Variants in APOOL observed in about 807,000 individuals in gnomAD.
APOOL encodes the protein MICOS complex subunit MIC27.
APOOL carries 12 observed loss-of-function variants against 23.1 expected under a neutral mutation model. The ratio of observed to expected loss-of-function variants is 0.52; its 90% CI spans 0.33 to 0.84. The LOEUF (loss-of-function observed/expected upper bound fraction) is 0.84, where lower values mean the gene tolerates loss of function less well. Among genes scored for constraint, APOOL ranks in the 40% least tolerant of loss-of-function variants. APOOL has a pLI of 0.02. For synonymous variants in APOOL, 77 were observed against 69.9 expected (o/e 1.10, Z -0.51); for missense variants, 212 against 199.6 (o/e 1.06, Z -0.37).
At position 85,051,278 on chromosome X, in the gene APOOL, T is replaced by A. The variant is rs1204845877; in HGVS notation, c.121-111T>A. On this transcript the variant is annotated intron_variant, in intron 2 of 8. Coordinates refer to ENST00000373173, the MANE Select transcript of APOOL (RefSeq NM_198450.6). The stretch of plus-strand genomic sequence containing the variant: ...GTTTTTTAAAAGTATTTTATCAGCA[T>A]TTTTAGTTGTTTTTAGAAAGAAGGC... 3.6e-6 allele frequency: 3 copies of A among 835,194 alleles called. No individual in the cohort carries two copies. In the African/African-American group the frequency reaches 6.2e-5, roughly 17 times the overall value. 68.8% of individuals were successfully genotyped at this position (835,194 alleles called of 1,213,427 possible).
Position 85,039,961 on chromosome X carries a change from T to C in APOOL, c.16-6485T>C, listed in dbSNP as rs181235175. On this transcript the variant is annotated intron_variant, in intron 1 of 8. Coordinates refer to ENST00000373173, the MANE Select transcript of APOOL (RefSeq NM_198450.6). Reference sequence around the variant, plus strand: ...TCATCATGTTGTTAGCGGGTTAATATGCAGATTTGATTGTGTGGTTGCTTT... The same window carrying C: ...TCATCATGTTGTTAGCGGGTTAATACGCAGATTTGATTGTGTGGTTGCTTT... Among the ~76,000 whole-genome samples the C allele has an allele frequency of 6.0e-3, 675 of 112,137 alleles. 5 individuals carry two copies. Among genetic ancestry groups the C allele is most frequent in the African/African-American group, 0.021 (640 of 30,905 alleles).
At chrX:85,005,425 C>T (rs866637238) in intron 1 of APOOL, among the ~76,000 whole-genome samples, 15 of 73,214 alleles carry the variant, frequency 2.0e-4, no homozygotes, top group African/African-American at 7.3e-4. Flanking sequence ...TCCCAAAGTA[C>T]TGGGATTACA....
At chrX:85,029,916 A>C (rs894887721) in intron 1 of APOOL, among the ~76,000 whole-genome samples, 3 of 112,294 alleles carry the variant, frequency 2.7e-5, no homozygotes, top group African/African-American at 6.5e-5. Flanking sequence ...GCTGGAGTGT[A>C]AATTAGTACA....
rs1445051024 is a variant in APOOL at position 85,055,940 on chromosome X, A to AT, written c.394+15_394+16insT. 1 of 1,129,482 alleles carries AT rather than the reference A, an allele frequency of 8.9e-7. No individual in the cohort carries two copies. The highest frequency in any genetic ancestry group is 1.8e-5 in the African/African-American group (1 of 54,737). The allele number at this position is 1,129,482 out of a possible 1,213,427, so 93.1% of individuals were successfully genotyped here. On this transcript the variant is annotated intron_variant, in intron 5 of 8. Coordinates refer to ENST00000373173, the MANE Select transcript of APOOL (RefSeq NM_198450.6). ...AGCGAGAAAAGGTAGGGTTTTAAAAAATATATTCTCTCTTAATGCCATGAT... is the reference window on the plus strand; with the variant it reads ...AGCGAGAAAAGGTAGGGTTTTAAAAATATATATTCTCTCTTAATGCCATGAT...
intron 1 of APOOL, among the ~76,000 whole-genome samples, chrX:85,010,039 A>G (rs766502612): frequency 3.6e-4 from 40 of 111,388 alleles, no homozygotes; most frequent in Non-Finnish European, 6.8e-4. Context: ...TTTTTAATCC[A>G]ATCTGTTATT....
chrX:85,034,922 CAT>C (rs781034054), intron 1 of APOOL, among the ~76,000 whole-genome samples: 2 of 111,894 alleles, frequency 1.8e-5, no homozygotes, highest in Non-Finnish European at 1.9e-5. Context: ...GTGATGAACA[CAT>C]GAGTGCATGT....
At position 85,047,325 on chromosome X, in the gene APOOL, C is replaced by A. The variant is rs201314302; in HGVS notation, c.120+775C>A. Among the ~76,000 whole-genome samples the A allele has an allele frequency of 4.5e-5, 5 of 111,471 alleles. No individual in the cohort carries two copies. The East Asian group carries it at 1.1e-3, about 25-fold the overall frequency. On this transcript the variant is annotated intron_variant, in intron 2 of 8. Transcript: ENST00000373173. ...CCAAGCATGTTCAGGATAGTGTTTT[C>A]TTCAGGTGTAAGTAGTTTGTTTTTC...
At chrX:85,018,102 T>C (rs1455632626) in intron 1 of APOOL, among the ~76,000 whole-genome samples, 1 of 112,636 alleles carries the variant, frequency 8.9e-6, no homozygotes, top group East Asian at 2.8e-4. Context: ...TGAATTTAGA[T>C]TGCTAGTATT....
intron 5 of APOOL, among the ~76,000 whole-genome samples, chrX:85,060,787 C>T (rs901564448): frequency 2.7e-5 from 3 of 111,292 alleles, no homozygotes; most frequent in Non-Finnish European, 5.6e-5. Context: ...TGGGCTGAGA[C>T]GATGGGGTTT....
intron 3 of APOOL, among the ~76,000 whole-genome samples, chrX:85,051,894 G>T (rs187496356): frequency 8.9e-6 from 1 of 112,048 alleles, no homozygotes; most frequent in African/African-American, 3.2e-5. Context: ...ACTTACTTGG[G>T]TAATTCAGGG....
intron 8 of APOOL, among the ~76,000 whole-genome samples, chrX:85,082,031 G>A (rs1163302529): frequency 3.6e-5 from 4 of 111,533 alleles, no homozygotes; most frequent in Admixed American, 9.6e-5. Context: ...CGGTGGGTTC[G>A]AACATTCTCC....
At chrX:85,022,352 A>G (rs1415179756) in intron 1 of APOOL, among the ~76,000 whole-genome samples, 1 of 112,080 alleles carries the variant, frequency 8.9e-6, no homozygotes, top group Non-Finnish European at 1.9e-5. Context: ...ATACTAGTAA[A>G]CTGAACTCAA....
At chrX:85,024,577 C>G (rs1921775855) in intron 1 of APOOL, among the ~76,000 whole-genome samples, 1 of 112,287 alleles carries the variant, frequency 8.9e-6, no homozygotes, top group African/African-American at 3.2e-5. Context: ...CCAGTTTTCC[C>G]CTGGGAAGAA....
At chrX:85,044,164 G>T (rs948949409) in intron 1 of APOOL, among the ~76,000 whole-genome samples, 2 of 111,020 alleles carry the variant, frequency 1.8e-5, no homozygotes, top group African/African-American at 6.5e-5. Flanking sequence ...GTGGCTAGTA[G>T]TAACCATACT....
rs769158462 is a variant in APOOL at position 85,082,921 on chromosome X, C to T, written c.719-4669C>T. Among the ~76,000 whole-genome samples the T allele has an allele frequency of 7.6e-4, 85 of 111,680 alleles. 1 individual carries two copies. Among genetic ancestry groups the T allele is most frequent in the African/African-American group, 2.6e-3 (80 of 30,760 alleles). The stretch of plus-strand genomic sequence containing the variant: ...ACTCAAAACCTCTTAAGGGCAAAAT[C>T]GAATTTCCTACAGTTTTTTGGTGCT... On this transcript the variant is annotated intron_variant, in intron 8 of 8. Transcript: ENST00000373173.
intron 6 of APOOL, among the ~76,000 whole-genome samples, chrX:85,073,674 C>T (rs192397056): frequency 0.017 from 1,849 of 110,203 alleles, 20 homozygotes; most frequent in Middle Eastern, 0.043. Flanking sequence ...ATCAAATCAC[C>T]GTGTTATATA....
At chrX:85,079,875 C>T (rs58917113) in intron 8 of APOOL, among the ~76,000 whole-genome samples, 2 of 111,608 alleles carry the variant, frequency 1.8e-5, no homozygotes, top group African/African-American at 6.5e-5. Flanking sequence ...AGTTTATTTG[C>T]GTAGAGGTGT....
In APOOL at chrX:85,088,314, C is replaced by CTGTTT. The variant is rs1924431182; in HGVS notation, c.*638_*642dup. Reference sequence around the variant, plus strand: ...GGTGTATGGAAAGGTGTGTTTCCCTCTGTTTTTTTTTTTTTTTTTTTTTTT... The same window carrying CTGTTT: ...GGTGTATGGAAAGGTGTGTTTCCCTCTGTTTTGTTTTTTTTTTTTTTTTTTTTTTT... On this transcript the variant is annotated 3_prime_UTR_variant, in exon 9 of 9. Coordinates refer to ENST00000373173, the MANE Select transcript of APOOL (RefSeq NM_198450.6). The CTGTTT allele has an allele frequency of 8.4e-5, 1 of 11,837 alleles. No homozygotes were observed. Among genetic ancestry groups the CTGTTT allele is most frequent in the Non-Finnish European group, 1.5e-4 (1 of 6,694 alleles). The allele number at this position is 11,837 out of a possible 1,213,427, so 1.0% of individuals were successfully genotyped here.
At chrX:85,049,787 A>AAAAC (rs151143361) in intron 2 of APOOL, among the ~76,000 whole-genome samples, 1 of 107,555 alleles carries the variant, frequency 9.3e-6, no homozygotes, top group Non-Finnish European at 1.9e-5. Flanking sequence ...ACCGTCTCAA[A>AAAAC]AAACAAACAA....
Sources: gnomAD v4.1 joint callset for allele counts (sites outside exome capture counted in the v4.1 genomes callset) on GRCh38, gnomAD v4.1.1 for gene constraint, MANE v1.5 for transcripts, NCBI Gene and HGNC (gene_info 2026-07-23, HGNC 2026-07-21) for gene names.